Variants in PIDD1 observed in about 807,000 individuals in gnomAD.
PIDD1 encodes p53-induced death domain protein 1, also known as p53-induced death domain-containing protein 1.
In PIDD1, 72 loss-of-function variants were observed where a neutral mutation model predicts 80.0. That is an observed-to-expected ratio of 0.90 (90% CI 0.74 to 1.09). PIDD1 has a LOEUF of 1.09. Among genes scored for constraint, PIDD1 ranks in the 50% least tolerant of loss-of-function variants. PIDD1 has a pLI of 0.00. For synonymous variants in PIDD1, 655 were observed against 543.5 expected, an observed-to-expected ratio of 1.21 and a Z score of -2.85; for missense variants, 1,329 against 1,228.3, an observed-to-expected ratio of 1.08 and a Z score of -1.23.
rs749747162 is a variant in PIDD1, at chr11:803,349, C to G, written c.534G>C (p.Val178=). ...GALPALTFLT[V]THNRLQTLPP... The stretch of plus-strand genomic sequence containing the variant: ...GCAGCGTCTGCAGGCGGTTGTGTGT[C>G]ACTGTGAGGAAGGTGAGGGCGGGGA... Residue 178 remains valine (V), a synonymous_variant, in exon 3 of 16, where the codon GTG becomes GTC. Transcript: ENST00000347755. 3 of 1,613,926 alleles carry G rather than the reference C, an allele frequency of 1.9e-6. No homozygotes were observed. The South Asian group carries it at 3.3e-5, about 18-fold the overall frequency.
At chr11:807,254 G>A (rs1265180034), upstream of PIDD1, among the ~76,000 whole-genome samples, 2 of 151,820 alleles carry the variant, frequency 1.3e-5, no homozygotes, top group African/African-American at 2.4e-5. Flanking sequence ...ACTTTGGGAG[G>A]CCGAGGCGGG....
rs200880915 is a variant in PIDD1, at chr11:800,459, A to G, written c.2042-8T>C. ...CCACACAGTCAGGGCGGTCTAGGGG[A>G]CAGGGGTGGGCTGAGCAAGGAGGGC... On this transcript the variant is annotated splice_polypyrimidine_tract_variant and splice_region_variant and intron_variant, in intron 12 of 15. Transcript: ENST00000347755. The G allele has an allele frequency of 3.8e-4, 548 of 1,456,702 alleles. 2 individuals are homozygous for G. Among genetic ancestry groups the G allele is most frequent in the South Asian group, 6.2e-4 (53 of 84,842 alleles). 90.2% of individuals were successfully genotyped at this position (1,456,702 alleles called of 1,614,324 possible).
rs1359035356 is a variant in PIDD1, at chr11:801,636, G to A, written c.1303-12C>T. On this transcript the variant is annotated splice_polypyrimidine_tract_variant and intron_variant, in intron 7 of 15. Transcript: ENST00000347755. ...TGAGCCCAGAGCCGCTGGGATGGGG[G>A]AGAGAGGAGGTCACAGGAGCCTGGG... 1 of 1,549,332 alleles carries A rather than the reference G, an allele frequency of 6.5e-7. No individual in the cohort carries two copies. Among genetic ancestry groups the A allele is most frequent in the Non-Finnish European group, 8.7e-7 (1 of 1,146,388 alleles).
chr11:805,502 A>G (rs1865724626), upstream of PIDD1: 3 of 583,584 alleles, frequency 5.1e-6, 1 homozygote, highest in Admixed American at 1.9e-4. Flanking sequence ...AAGGCCACGA[A>G]ACCCGCCCTT....
intron 13 of PIDD1, 33 bp from the exon 14 acceptor site, chr11:800,277 G>T (rs1554968342): frequency 1.2e-6 from 2 of 1,612,004 alleles, no homozygotes; most frequent in East Asian, 4.5e-5. Flanking sequence ...TCGGAGTTCG[G>T]TCCTCTGCCC....
In PIDD1 at chr11:800,757, C is replaced by T; in HGVS notation, c.1917+5G>A. The T allele has an allele frequency of 6.5e-7, 1 of 1,547,030 alleles. No homozygotes were observed. The highest frequency in any genetic ancestry group is 8.7e-7 in the Non-Finnish European group (1 of 1,146,796). ...ACCCTGCTGCCCTCCGGCCCGTGCC[C>T]CCACCTTGTTTCGGGGCAGGCACTG... is the stretch of plus-strand genomic sequence containing the variant. On this transcript the variant is annotated splice_donor_5th_base_variant and intron_variant, in intron 11 of 15. Coordinates refer to ENST00000347755, the MANE Select transcript of PIDD1 (RefSeq NM_145886.4).
chr11:802,693 G>A lies in PIDD1; in HGVS notation c.908C>T (p.Pro303Leu), dbSNP rs769852211. The A allele has an allele frequency of 1.6e-5, 26 of 1,610,370 alleles. No individual in the cohort carries two copies. The highest frequency in any genetic ancestry group is 5.5e-5 in the South Asian group (5 of 90,552). The change falls in exon 4 of 16, where the codon CCG becomes CTG. Residue 303 changes from proline to leucine, a missense_variant. Transcript: ENST00000347755. Reference sequence around the variant, plus strand: ...AGCACCAAGCCTACCTGGTGAACTCGGGGCGTCTGGCGAGGCCTCACCCAG... The same window carrying A: ...AGCACCAAGCCTACCTGGTGAACTCAGGGCGTCTGGCGAGGCCTCACCCAG... ...NPLGEASPDA[P>L]SSPVAALIPE...
Position 801,026 on chromosome 11 carries a change from G to A in PIDD1, c.1725C>T (p.Leu575=). The A allele has an allele frequency of 6.2e-7, 1 of 1,602,552 alleles. No individual in the cohort carries two copies. The highest frequency in any genetic ancestry group is 8.5e-7 in the Non-Finnish European group (1 of 1,175,140). Residue 575 remains leucine, a synonymous_variant, in exon 10 of 16, where the codon CTC becomes CTT. Coordinates refer to ENST00000347755, the MANE Select transcript of PIDD1 (RefSeq NM_145886.4). ...CCTGGAAGCGTGCGTACAGGTGGGT[G>A]AGCTCCAGGACCACCTGAGCTGTGA... ...DDITAQVVLE[L]THLYARFQVT...
rs1865600898 is a variant in PIDD1 at position 804,129 on chromosome 11, T to G, written c.260A>C (p.Gln87Pro). ...LLEATLAQLP[Q>P]SLSCLRSLVL... ...CAGGGAGCGGAGGCAGGACAGGCTC[T>G]GAGGCAGCTGGGCCAGGGTGGCCTC... The change falls in exon 2 of 16, where the codon CAG becomes CCG. Residue 87 changes from glutamine (Q) to proline (P), a missense_variant. By Grantham distance (76) the Gln-to-Pro change is moderately conservative. Coordinates refer to ENST00000347755, the MANE Select transcript of PIDD1 (RefSeq NM_145886.4). 1 of 1,613,048 alleles carries G rather than the reference T, an allele frequency of 6.2e-7. No homozygotes were observed. Among genetic ancestry groups the G allele is most frequent in the Admixed American group, 1.7e-5 (1 of 59,916 alleles).
At chr11:799,711 C>T (rs1865073397) in intron 15 of PIDD1, 104 bp downstream of exon 15, 10 of 1,366,344 alleles carry the variant, frequency 7.3e-6, no homozygotes, top group African/African-American at 1.5e-5. Context: ...GTTTGCCCTT[C>T]CCCCACCTCC....
chr11:807,017 C>T (rs765769911), upstream of PIDD1, among the ~76,000 whole-genome samples: 1 of 152,128 alleles, frequency 6.6e-6, no homozygotes, highest in African/African-American at 2.4e-5. Context: ...TATGGTGAAA[C>T]CGTGTGTCTA....
At chr11:802,958 C>T (rs749555951) in intron 3 of PIDD1, 67 bp from the exon 4 acceptor site, 1,259 of 1,355,528 alleles carry the variant, frequency 9.3e-4, no homozygotes, top group Non-Finnish European at 1.2e-3. Flanking sequence ...CTCCTGCTGC[C>T]GCCTCCCAGA....
upstream of PIDD1, among the ~76,000 whole-genome samples, chr11:808,478 C>T (rs1865895528): frequency 6.6e-6 from 1 of 152,148 alleles, no homozygotes; most frequent in East Asian, 1.9e-4. Flanking sequence ...CCTGTAATCC[C>T]AGCACTTTGG....
rs1416216369 is a variant in PIDD1 at position 802,010 on chromosome 11, G to A, written c.1257C>T (p.Asn419=). ...GGTAGGTCTCCAGGTCACCCCAGCT[G>A]TTGTCATTCCGGGTCCTGACCACCA... ...REVVVRTRND[N]SWGDLETYLE... is the part of the protein sequence containing the mutation. The change falls in exon 7 of 16, where the codon AAC becomes AAT. Residue 419 remains asparagine (N), a synonymous_variant. Coordinates refer to ENST00000347755, the MANE Select transcript of PIDD1 (RefSeq NM_145886.4). The A allele has an allele frequency of 6.2e-7, 1 of 1,603,424 alleles. No individual in the cohort carries two copies.
At position 802,414 on chromosome 11, in the gene PIDD1, G is replaced by C; in HGVS notation, c.975-18C>G. The C allele has an allele frequency of 6.2e-7, 1 of 1,608,946 alleles. No homozygotes were observed. Among genetic ancestry groups the C allele is most frequent in the Non-Finnish European group, 8.5e-7 (1 of 1,176,766 alleles). The stretch of plus-strand genomic sequence containing the variant: ...CAGGAAAGCTGAGTGAGGAAGGAGC[G>C]AGCAACAGGTTAGACCCAGAAGGGC... On this transcript the variant is annotated intron_variant, in intron 5 of 15. Transcript: ENST00000347755.
chr11:807,019 G>A (rs1195118122), upstream of PIDD1, among the ~76,000 whole-genome samples: 3 of 152,112 alleles, frequency 2.0e-5, no homozygotes, highest in East Asian at 1.9e-4. Flanking sequence ...TGGTGAAACC[G>A]TGTGTCTATT....
rs1256715090 is a variant in PIDD1 at position 800,697 on chromosome 11, A to G, written c.1918-31T>C. The G allele has an allele frequency of 6.4e-6, 10 of 1,561,210 alleles. No homozygotes were observed. In the East Asian group the frequency reaches 2.1e-4, roughly 33 times the overall value. ...GGGAAGCCCGTGCAGCTCAGGACCC[A>G]AAGCTCTGCACCCCACCCCAGCCCT... On this transcript the variant is annotated intron_variant, in intron 11 of 15. Transcript: ENST00000347755.
chr11:808,392 A>C (rs577179453), upstream of PIDD1, among the ~76,000 whole-genome samples: 8 of 150,928 alleles, frequency 5.3e-5, no homozygotes, highest in African/African-American at 2.0e-4. Context: ...TCACCAGTGC[A>C]CTCCAACCTG....
At chr11:804,498 G>T in intron 1 of PIDD1, 35 bp from the exon 2 acceptor site, 1 of 1,452,742 alleles carries the variant, frequency 6.9e-7, no homozygotes, top group African/African-American at 1.4e-5. Flanking sequence ...GCGGGAGCCG[G>T]GGTGGGCCCT....
Sources: allele counts gnomAD v4.1 joint callset (sites outside exome capture counted in the v4.1 genomes callset), GRCh38; gene constraint gnomAD v4.1.1; transcripts MANE v1.5; gene names NCBI Gene and HGNC (gene_info 2026-07-23, HGNC 2026-07-21).